Variants in OARD1 observed in about 807,000 individuals in gnomAD.
OARD1 encodes the protein O-acyl-ADP-ribose deacylase 1.
OARD1 carries 19 observed loss-of-function variants against 19.7 expected under a neutral mutation model. The ratio of observed to expected loss-of-function variants is 0.96; its 90% CI spans 0.67 to 1.41. The LOEUF (loss-of-function observed/expected upper bound fraction) is 1.41, where lower values mean the gene tolerates loss of function less well. Ranked by LOEUF, OARD1 falls within the 40% of genes most tolerant of loss-of-function variation. The probability of loss-of-function intolerance (pLI) is 0.00; values close to 1 mark genes in which losing one functional copy is unlikely to be tolerated. For missense variants in OARD1, 190 were observed against 183.8 expected (o/e 1.03, Z -0.20); for synonymous variants, 70 against 61.8 (o/e 1.13, Z -0.62).
chr6:41,078,408 A>G (rs888677945), intron 1 of OARD1, among the ~76,000 whole-genome samples: 8 of 152,198 alleles, frequency 5.3e-5, no homozygotes, highest in Admixed American at 1.3e-4. Context: ...TCAGAGAGAA[A>G]GACCTATCTA....
intron 5 of OARD1, among the ~76,000 whole-genome samples, chr6:41,068,096 A>G (rs1763117908): frequency 6.6e-6 from 1 of 152,226 alleles, no homozygotes; most frequent in South Asian, 2.1e-4. Flanking sequence ...ATTAAAAAAA[A>G]AGTTTCTGAT....
chr6:41,081,628 T>C (rs1763908707), intron 1 of OARD1, among the ~76,000 whole-genome samples: 1 of 152,268 alleles, frequency 6.6e-6, no homozygotes, highest in Non-Finnish European at 1.5e-5. Context: ...TAGGCTGTGC[T>C]TTATTTTTAT....
At chr6:41,075,968 C>T (rs1763722737), upstream of OARD1, among the ~76,000 whole-genome samples, 1 of 152,202 alleles carries the variant, frequency 6.6e-6, no homozygotes, top group African/African-American at 2.4e-5. Flanking sequence ...TAGAAAGCTC[C>T]AATCCAGAAA....
At chr6:41,096,289 C>A (rs1398209465) in intron 1 of OARD1, among the ~76,000 whole-genome samples, 1 of 152,216 alleles carries the variant, frequency 6.6e-6, no homozygotes, top group Non-Finnish European at 1.5e-5. Flanking sequence ...TAATCCTCAC[C>A]TGTAGTGTGA....
intron 3 of OARD1, 90 bp from the exon 4 acceptor site, chr6:41,070,224 C>A: frequency 1.3e-6 from 1 of 759,358 alleles, no homozygotes; most frequent in Non-Finnish European, 2.3e-6. Context: ...TCTGAGTTTA[C>A]CTCAGAACTA....
At chr6:41,093,595 T>C (rs1764257078) in intron 1 of OARD1, among the ~76,000 whole-genome samples, 1 of 152,042 alleles carries the variant, frequency 6.6e-6, no homozygotes, top group African/African-American at 2.4e-5. Context: ...CTCAGCCTCC[T>C]GAGTAGCTGG....
intron 1 of OARD1, chr6:41,080,808 C>T (rs1490910000): frequency 1.2e-6 from 2 of 1,612,662 alleles, no homozygotes; most frequent in Admixed American, 3.3e-5. Flanking sequence ...TTCCTGTTCT[C>T]AGCAGCAGGG....
chr6:41,071,670 C>T lies in OARD1; in HGVS notation c.-36G>A. ...CGCTATTTCCAGAATTTAAGTGTTT[C>T]TTCAGCTATGAGAAGGGAAAAGGAA... On this transcript the variant is annotated 5_prime_UTR_variant, in exon 2 of 6. Transcript: ENST00000424266. 3 of 1,587,104 alleles carry T rather than the reference C, an allele frequency of 1.9e-6. No homozygotes were observed. The highest frequency in any genetic ancestry group is 2.6e-6 in the Non-Finnish European group (3 of 1,155,486).
chr6:41,069,792 G>A (rs1221706902), intron 4 of OARD1: 2 of 425,052 alleles, frequency 4.7e-6, no homozygotes, highest in South Asian at 2.7e-5. Flanking sequence ...TAGTATGGCA[G>A]GCATTCCTAA....
intron 1 of OARD1, among the ~76,000 whole-genome samples, chr6:41,092,353 C>A (rs1240560154): frequency 6.6e-6 from 1 of 152,082 alleles, no homozygotes; most frequent in Non-Finnish European, 1.5e-5. Context: ...GTAGAGAGAC[C>A]TCGTTTCTAC....
In OARD1 at chr6:41,091,460, A is replaced by T. The variant is rs1725044711; in HGVS notation, c.-42+6253T>A. 2.0e-6 allele frequency: 3 copies of T among 1,509,004 alleles called. No homozygotes were observed. The Admixed American group carries it at 5.4e-5, about 27-fold the overall frequency. 93.5% of individuals were successfully genotyped at this position (1,509,004 alleles called of 1,614,324 possible). A position where few individuals can be genotyped will look rare whatever the true frequency, so the allele number is the denominator to read the frequency against. ...GTGTATACCAGATAGAAGAGGGACT[A>T]ACTATGTTCCCTTCTTTCTGTTCTG... On this transcript the variant is annotated intron_variant, in intron 1 of 4. Transcript: ENST00000480585.
At chr6:41,095,710 C>T (rs190895099) in intron 1 of OARD1, among the ~76,000 whole-genome samples, 2 of 152,310 alleles carry the variant, frequency 1.3e-5, no homozygotes, top group East Asian at 3.9e-4. Context: ...GGATTACAGG[C>T]GCACACCATT....
chr6:41,080,929 G>A (rs748963376), intron 1 of OARD1: 26 of 1,543,132 alleles, frequency 1.7e-5, no homozygotes, highest in East Asian at 2.3e-5. Flanking sequence ...TGTGAGCACT[G>A]CATGAACTTC....
intron 1 of OARD1, among the ~76,000 whole-genome samples, chr6:41,079,628 T>C (rs1477560925): frequency 1.3e-5 from 2 of 152,232 alleles, no homozygotes; most frequent in Non-Finnish European, 2.9e-5. Context: ...GCCATTCTTA[T>C]GGATAAGACA....
intron 1 of OARD1, chr6:41,094,532 T>A (rs374462391): frequency 2.6e-6 from 4 of 1,537,982 alleles, no homozygotes; most frequent in East Asian, 2.2e-5. Flanking sequence ...CTTCTCTTTA[T>A]TACCTTGTAT....
chr6:41,088,827 C>T lies in OARD1; in HGVS notation c.-42+8886G>A, dbSNP rs142496596. Among the ~76,000 whole-genome samples the T allele has an allele frequency of 3.8e-3, 582 of 152,174 alleles. 1 individual carries two copies. Among genetic ancestry groups the T allele is most frequent in the Middle Eastern group, 0.017 (5 of 294 alleles). Reference sequence around the variant, plus strand: ...TCTCGAACTCCTGACCTAATCTGCTCGCCTCAGCCTCCTGAAGTGCTGGGA... The same window carrying T: ...TCTCGAACTCCTGACCTAATCTGCTTGCCTCAGCCTCCTGAAGTGCTGGGA... On this transcript the variant is annotated intron_variant, in intron 1 of 4. Transcript: ENST00000480585.
At chr6:41,077,512 C>T (rs943169577), upstream of OARD1, among the ~76,000 whole-genome samples, 5 of 149,648 alleles carry the variant, frequency 3.3e-5, no homozygotes, top group African/African-American at 1.3e-4. Flanking sequence ...TACATCATAA[C>T]CTTAATTTTA....
At chr6:41,083,702 A>G (rs1283980347) in intron 1 of OARD1, among the ~76,000 whole-genome samples, 1 of 152,152 alleles carries the variant, frequency 6.6e-6, no homozygotes. Flanking sequence ...ACTACAGACC[A>G]TTCCTGGATT....
In OARD1 at chr6:41,070,085, T is replaced by A. The variant is rs1221425234; in HGVS notation, c.234A>T (p.Ile78=). 1 of 1,587,548 alleles carries A rather than the reference T, an allele frequency of 6.3e-7. No homozygotes were observed. Among genetic ancestry groups the A allele is most frequent in the Non-Finnish European group, 8.6e-7 (1 of 1,156,072 alleles). ...ATTGGCCCCATCTTACCAAGTAATA[T>A]ATATATCGCCCATCTCTCTTCAGAA... ...VAVLKRDGRY[I]YYLITKKRAS... is the part of the protein sequence containing the mutation. Residue 78 remains isoleucine (I), a synonymous_variant, in exon 4 of 6, where the codon ATA becomes ATT. Transcript: ENST00000424266.
Sources: allele counts gnomAD v4.1 joint callset (sites outside exome capture counted in the v4.1 genomes callset), GRCh38; gene constraint gnomAD v4.1.1; transcripts MANE v1.5; gene names NCBI Gene and HGNC (gene_info 2026-07-23, HGNC 2026-07-21).